The following ITPK1 variants were observed in gnomAD, a reference collection of about 807,000 sequenced individuals.
ITPK1 encodes the protein inositol 1,3,4-trisphosphate 5/6-kinase.
Under a neutral mutation model 45.3 loss-of-function variants are expected in ITPK1, and 21 were observed. That is an observed-to-expected ratio of 0.46 (90% confidence interval 0.33 to 0.67). ITPK1 has a LOEUF of 0.67. ITPK1 is among the 30% of genes least tolerant of loss of function. ITPK1 has a pLI of 0.02. For synonymous variants in ITPK1, 258 were observed against 253.6 expected, an observed-to-expected ratio of 1.02 and a Z score of -0.16; for missense variants, 474 against 573.5, an observed-to-expected ratio of 0.83 and a Z score of 1.77.
intron 8 of ITPK1, among the ~76,000 whole-genome samples, chr14:92,957,988 C>G (rs1389890954): frequency 6.6e-6 from 1 of 152,122 alleles, no homozygotes; most frequent in Admixed American, 6.6e-5. Context: ...GTGGGTGGGG[C>G]CCCCTACAAT....
At chr14:92,985,927 T>A (rs1209662661) in intron 5 of ITPK1, among the ~76,000 whole-genome samples, 1 of 152,132 alleles carries the variant, frequency 6.6e-6, no homozygotes, top group African/African-American at 2.4e-5. Context: ...AAGCTGGGGC[T>A]CAATGCAGTT....
chr14:93,050,362 A>C (rs576983574), intron 3 of ITPK1, among the ~76,000 whole-genome samples: 1 of 152,224 alleles, frequency 6.6e-6, no homozygotes, highest in East Asian at 1.9e-4. Context: ...GCCCCCGAAT[A>C]TGTCCTGTCT....
intron 3 of ITPK1, among the ~76,000 whole-genome samples, chr14:93,039,346 C>T (rs868564283): frequency 7.2e-5 from 11 of 152,174 alleles, no homozygotes; most frequent in South Asian, 2.1e-4. Context: ...GTCAACAAGA[C>T]GCCTCCTCTT....
rs915115915 is a variant in ITPK1 at position 92,941,142 on chromosome 14, G to A, written c.*419C>T. ...AAGGGAAGCCACTCTCACATGCACC[G>A]ATCAGCCTCCCACAGCCCGACATGG... On this transcript the variant is annotated 3_prime_UTR_variant, in exon 11 of 11. Coordinates refer to ENST00000267615, the MANE Select transcript of ITPK1 (RefSeq NM_014216.6). The A allele has an allele frequency of 1.5e-5, 18 of 1,202,804 alleles. No homozygotes were observed. The highest frequency in any genetic ancestry group is 1.9e-5 in the Non-Finnish European group (18 of 954,396). 74.5% of individuals were successfully genotyped at this position (1,202,804 alleles called of 1,614,324 possible). A position where few individuals can be genotyped will look rare whatever the true frequency, so the allele number is the denominator to read the frequency against.
intron 7 of ITPK1, among the ~76,000 whole-genome samples, chr14:92,959,672 T>A (rs995541425): frequency 2.6e-5 from 4 of 151,948 alleles, no homozygotes; most frequent in African/African-American, 9.7e-5. Flanking sequence ...CATGGGTGGC[T>A]TCAGGGATGC....
chr14:93,030,766 G>A (rs1612612), intron 3 of ITPK1, among the ~76,000 whole-genome samples: 33,640 of 152,202 alleles, frequency 0.22, 4,219 homozygotes, highest in East Asian at 0.31. Flanking sequence ...ACCTCAGAAC[G>A]TGACCTGGTT....
chr14:93,038,182 G>A (rs1322833357), intron 3 of ITPK1, among the ~76,000 whole-genome samples: 1 of 151,936 alleles, frequency 6.6e-6, no homozygotes, highest in Non-Finnish European at 1.5e-5. Flanking sequence ...CTACAGGTGT[G>A]AGCAATCACA....
At chr14:93,017,207 G>A (rs1286985731) in intron 3 of ITPK1, among the ~76,000 whole-genome samples, 1 of 152,156 alleles carries the variant, frequency 6.6e-6, no homozygotes, top group Non-Finnish European at 1.5e-5. Flanking sequence ...GGGTTCCAAG[G>A]GGTTATGTAA....
chr14:93,015,363 ACAGGG>A (rs959324291), intron 4 of ITPK1, among the ~76,000 whole-genome samples: 1 of 152,230 alleles, frequency 6.6e-6, no homozygotes, highest in African/African-American at 2.4e-5. Context: ...CAGCCCTGGC[ACAGGG>A]CAGGGACTCA....
chr14:93,078,762 C>T (rs563730748), intron 2 of ITPK1, among the ~76,000 whole-genome samples: 1 of 152,314 alleles, frequency 6.6e-6, no homozygotes, highest in South Asian at 2.1e-4. Context: ...TCAGCCCCTG[C>T]CTCATTCCCA....
intron 4 of ITPK1, among the ~76,000 whole-genome samples, chr14:93,004,887 AG>A (rs1007637103): frequency 9.2e-5 from 14 of 151,872 alleles, no homozygotes; most frequent in African/African-American, 3.4e-4. Flanking sequence ...CTCCAAGCAG[AG>A]GGGACAGCAA....
At chr14:93,003,293 G>A (rs2139827864) in intron 4 of ITPK1, among the ~76,000 whole-genome samples, 1 of 152,246 alleles carries the variant, frequency 6.6e-6, no homozygotes, top group East Asian at 1.9e-4. Flanking sequence ...GGAAGGACAA[G>A]TAATGAACCC....
chr14:92,942,634 C>T (rs1887488764), intron 10 of ITPK1, among the ~76,000 whole-genome samples: 1 of 152,198 alleles, frequency 6.6e-6, no homozygotes, highest in Non-Finnish European at 1.5e-5. Flanking sequence ...AGACAAGCTC[C>T]AGGGCGCAGC....
At chr14:93,031,454 G>T (rs991704782) in intron 3 of ITPK1, among the ~76,000 whole-genome samples, 4 of 152,210 alleles carry the variant, frequency 2.6e-5, no homozygotes, top group Admixed American at 6.5e-5. Context: ...TTCATACATG[G>T]CAGTTGCCAT....
intron 9 of ITPK1, among the ~76,000 whole-genome samples, chr14:92,947,764 C>T (rs1160529714): frequency 6.6e-6 from 1 of 152,024 alleles, no homozygotes; most frequent in Non-Finnish European, 1.5e-5. Flanking sequence ...GGCTTAGGGG[C>T]CAAAGGGGAA....
rs1021173436 is a variant in ITPK1 at position 92,941,910 on chromosome 14, G to C, written c.902-6C>G. On this transcript the variant is annotated splice_polypyrimidine_tract_variant and splice_region_variant and intron_variant, in intron 10 of 10. Transcript: ENST00000267615. ...CTCGCTCACGCCCTCGTAGCCTGGG[G>C]GTGGGAGAGAGACAGCACAAGGGGC... 1 of 1,610,282 alleles carries C rather than the reference G, an allele frequency of 6.2e-7. No individual in the cohort carries two copies. Among genetic ancestry groups the C allele is most frequent in the Admixed American group, 1.7e-5 (1 of 59,756 alleles).
At chr14:93,004,632 G>A (rs554369175) in intron 4 of ITPK1, among the ~76,000 whole-genome samples, 15 of 152,140 alleles carry the variant, frequency 9.9e-5, no homozygotes, top group Non-Finnish European at 1.8e-4. Context: ...GTGTGTGTGC[G>A]TGCGTGTGTG....
At chr14:92,978,169 T>C (rs935251438) in intron 5 of ITPK1, among the ~76,000 whole-genome samples, 3 of 151,964 alleles carry the variant, frequency 2.0e-5, no homozygotes, top group Admixed American at 6.5e-5. Flanking sequence ...GCATATTGTG[T>C]CCCTGCTCTA....
At position 92,989,001 on chromosome 14, in the gene ITPK1, G is replaced by T. The variant is rs906350049; in HGVS notation, c.364+4879C>A. ...GCAGGGTCTGAGGCCTTGACTCCAA[G>T]TCCCCACCCCTCTGCAGCTCCCCGA... On this transcript the variant is annotated intron_variant, in intron 5 of 10. Transcript: ENST00000267615. Among the ~76,000 whole-genome samples the T allele has an allele frequency of 3.9e-5, 6 of 152,236 alleles. 1 individual carries two copies. In the East Asian group the frequency reaches 1.2e-3, roughly 29 times the overall value.
Sources: gnomAD v4.1 joint callset for allele counts (sites outside exome capture counted in the v4.1 genomes callset) on GRCh38, gnomAD v4.1.1 for gene constraint, MANE v1.5 for transcripts, NCBI Gene and HGNC (gene_info 2026-07-23, HGNC 2026-07-21) for gene names.